The following SMARCA4 variants were observed in gnomAD, a reference collection of about 807,000 sequenced individuals.
SMARCA4 encodes the protein SWI/SNF related BAF chromatin remodeling complex subunit ATPase 4.
A neutral mutation model predicts 193.9 loss-of-function variants in SMARCA4; 31 were observed. That is an observed-to-expected ratio of 0.16 (90% CI 0.12 to 0.22). The LOEUF (loss-of-function observed/expected upper bound fraction) is 0.22. Ranked by LOEUF, SMARCA4 falls within the 10% of genes least tolerant of loss-of-function variation. The pLI is 1.00. For missense variants in SMARCA4, 1,148 were observed against 2,296.0 expected, an observed-to-expected ratio of 0.50 and a Z score of 10.22; for synonymous variants, 942 against 933.1, an observed-to-expected ratio of 1.01 and a Z score of -0.17.
chr19:10,976,871 A>G (rs1386707046), intron 1 of SMARCA4, among the ~76,000 whole-genome samples: 1 of 151,910 alleles, frequency 6.6e-6, no homozygotes, highest in Non-Finnish European at 1.5e-5. Flanking sequence ...CCTGGGCAAC[A>G]TGGCAAAAAC....
chr19:11,026,369 G>A (rs373143577), intron 23 of SMARCA4, 23 bp downstream of exon 23: 1 of 1,602,586 alleles, frequency 6.2e-7, no homozygotes, highest in Non-Finnish European at 8.6e-7. Flanking sequence ...CCAACTGGAT[G>A]GGGTGGGCAG....
chr19:10,975,115 C>G (rs1234865809), intron 1 of SMARCA4, among the ~76,000 whole-genome samples: 1 of 131,364 alleles, frequency 7.6e-6, no homozygotes, highest in Non-Finnish European at 1.6e-5. Context: ...TTTCCTGGTT[C>G]AAGTGATTAT....
chr19:10,968,178 G>A (rs756690224), intron 1 of SMARCA4, among the ~76,000 whole-genome samples: 4 of 152,160 alleles, frequency 2.6e-5, no homozygotes, highest in Non-Finnish European at 5.9e-5. Context: ...AGTAGAGACG[G>A]GGTTTCTCCG....
rs1568423679 is a variant in SMARCA4, at chr19:10,986,552, CG to C, written c.722del (p.Gly241ValfsTer62). ...CCTGGCCCTGGCCCTGGCCCCGGCCCGGGTCCCGGCCCGGCACCTCCAAATT... is the reference window on the plus strand; with the variant it reads ...CCTGGCCCTGGCCCTGGCCCCGGCCCGGTCCCGGCCCGGCACCTCCAAATT... Reference protein sequence around the residue: ...PGPGPGPGPGPGPGPAPPNYS... With the variant: ...PGPGPGPGPGXGPGPAPPNYS... On this transcript the variant is annotated frameshift_variant, in exon 4 of 35. Coordinates refer to ENST00000344626, the MANE Select transcript of SMARCA4 (RefSeq NM_003072.5). LOFTEE classifies it high-confidence loss of function. The surrounding 1 kb of genome is among the most constrained non-coding windows in gnomAD (Gnocchi z 6.7). The C allele has an allele frequency of 6.5e-7, 1 of 1,538,788 alleles. No individual in the cohort carries two copies. The highest frequency in any genetic ancestry group is 2.0e-5 in the Admixed American group (1 of 50,940).
At position 10,968,777 on chromosome 19, in the gene SMARCA4, G is replaced by A. The variant is rs113535175; in HGVS notation, c.-32+7603G>A. Among the ~76,000 whole-genome samples, 276 of 152,300 alleles carry A rather than the reference G, an allele frequency of 1.8e-3. 1 individual carries two copies. The highest frequency in any genetic ancestry group is 6.8e-3 in the Middle Eastern group (2 of 294). ...AGACTTGAGGGGGAGGGTCTGCTGT[G>A]TGCGACCCATCTTGCTCCGAAAGTC... On this transcript the variant is annotated intron_variant, in intron 1 of 34. Coordinates refer to ENST00000344626, the MANE Select transcript of SMARCA4 (RefSeq NM_003072.5).
intron 29 of SMARCA4, among the ~76,000 whole-genome samples, chr19:11,037,508 T>C (rs776857326): frequency 6.6e-5 from 10 of 152,242 alleles, no homozygotes; most frequent in Non-Finnish European, 1.2e-4. Flanking sequence ...TAAAATATAT[T>C]TATCTTAATA....
intron 30 of SMARCA4, among the ~76,000 whole-genome samples, chr19:11,052,324 G>A (rs1908180964): frequency 6.6e-6 from 1 of 152,172 alleles, no homozygotes; most frequent in African/African-American, 2.4e-5. Flanking sequence ...TTCTTGGGAG[G>A]CCAACGCGGG....
intron 30 of SMARCA4, among the ~76,000 whole-genome samples, chr19:11,052,820 C>T (rs2076335822): frequency 6.6e-6 from 1 of 152,202 alleles, no homozygotes; most frequent in Non-Finnish European, 1.5e-5. Flanking sequence ...GGAGCTGGGG[C>T]TGGCCTTTCC....
chr19:11,017,249 T>G (rs1263460278), intron 16 of SMARCA4, among the ~76,000 whole-genome samples: 1 of 152,178 alleles, frequency 6.6e-6, no homozygotes, highest in African/African-American at 2.4e-5. Context: ...AGCCGGTACC[T>G]CCGGGAAGCA....
intron 30 of SMARCA4, among the ~76,000 whole-genome samples, chr19:11,044,452 A>G (rs909962914): frequency 1.4e-4 from 21 of 152,156 alleles, no homozygotes; most frequent in Admixed American, 5.2e-4. Context: ...AAGACAACAC[A>G]ATTTAAAGCT....
In SMARCA4 at chr19:11,059,826, G is replaced by C. The variant is rs966588548; in HGVS notation, c.4709G>C (p.Ser1570Thr). Reference sequence around the variant, plus strand: ...CAGAAAATCGAGAAGGAGGATGACAGTGAAGGCGAGGAGAGTGAGGAGGAG... The same window carrying C: ...CAGAAAATCGAGAAGGAGGATGACACTGAAGGCGAGGAGAGTGAGGAGGAG... The part of the protein sequence containing the change: ...VRQKIEKEDD[S>T]EGEESEEEEE... Residue 1570 changes from serine (S) to threonine (T), a missense_variant, in exon 33 of 35, where the codon AGT (serine) becomes ACT (threonine). By Grantham distance (58) the Ser-to-Thr change is moderately conservative. Transcript: ENST00000344626. The C allele has an allele frequency of 6.2e-7, 1 of 1,613,522 alleles. No homozygotes were observed.
At chr19:11,018,070 G>A (rs1310709091) in intron 16 of SMARCA4, among the ~76,000 whole-genome samples, 1 of 152,250 alleles carries the variant, frequency 6.6e-6, no homozygotes, top group Non-Finnish European at 1.5e-5. Flanking sequence ...GTTGGCTGTG[G>A]CTTCCAGCGG....
chr19:11,034,497 G>GTTCGCCCTATCCAAGGCCAAGGGAC lies in SMARCA4; in HGVS notation c.3951+299_3951+323dup, dbSNP rs1193927574. On this transcript the variant is annotated intron_variant, in intron 28 of 34. Coordinates refer to ENST00000344626, the MANE Select transcript of SMARCA4 (RefSeq NM_003072.5). This position sits in a 1 kb window ranked among gnomAD's most constrained non-coding sequence, Gnocchi z 7.0. ...CTTCATGCACTCCCTTTCAGAGGGA[G>GTTCGCCCTATCCAAGGCCAAGGGAC]TTCGCCCTATCCAAGGCCAAGGGAC... is the stretch of plus-strand genomic sequence containing the variant. 2.0e-5 allele frequency among the ~76,000 whole-genome samples: 3 copies of GTTCGCCCTATCCAAGGCCAAGGGAC among 152,164 alleles called. No homozygotes were observed. The highest frequency in any genetic ancestry group is 1.3e-4 in the Admixed American group (2 of 15,288).
chr19:11,006,970 C>T (rs2088276734), intron 13 of SMARCA4, among the ~76,000 whole-genome samples: 1 of 151,752 alleles, frequency 6.6e-6, no homozygotes, highest in African/African-American at 2.4e-5. Context: ...GCCTGTGGTC[C>T]CAGCTACTCG....
chr19:10,980,613 G>A (rs1348770317), intron 1 of SMARCA4, among the ~76,000 whole-genome samples: 4 of 134,776 alleles, frequency 3.0e-5, no homozygotes, highest in Admixed American at 2.4e-4. Flanking sequence ...CAGCCTGGGC[G>A]ACAGAGTGAG....
intron 1 of SMARCA4, among the ~76,000 whole-genome samples, chr19:10,982,706 A>G (rs530113498): frequency 5.0e-4 from 76 of 151,906 alleles, no homozygotes; most frequent in Middle Eastern, 3.4e-3. Context: ...GGGTTTCACC[A>G]TGTTACCCAG....
chr19:11,025,288 A>T (rs1030093212), intron 21 of SMARCA4, 134 bp from the exon 22 acceptor site: 1 of 693,078 alleles, frequency 1.4e-6, no homozygotes, highest in African/African-American at 1.8e-5. Flanking sequence ...CTCACTCCCA[A>T]TTGCTGTGCC....
chr19:11,059,978 G>A (rs1239237226), intron 33 of SMARCA4, 67 bp from the exon 34 acceptor site: 8 of 1,611,246 alleles, frequency 5.0e-6, no homozygotes, highest in South Asian at 1.1e-5. Flanking sequence ...GCTCCCAGAC[G>A]CCCCTTGCTG....
intron 14 of SMARCA4, 22 bp from the exon 15 acceptor site, chr19:11,010,358 CG>C: frequency 6.2e-7 from 1 of 1,613,328 alleles, no homozygotes; most frequent in Non-Finnish European, 8.5e-7. Flanking sequence ...TGTCCTTACC[CG>C]GCACCTCCAT....
Sources: gnomAD v4.1 joint callset for allele counts (sites outside exome capture counted in the v4.1 genomes callset) on GRCh38, gnomAD v4.1.1 for gene constraint, Gnocchi (gnomAD v3.1) non-coding constraint, MANE v1.5 for transcripts, NCBI Gene and HGNC (gene_info 2026-07-23, HGNC 2026-07-21) for gene names.